The following AFF3 variants were observed in gnomAD, a reference collection of about 807,000 sequenced individuals.
The protein encoded by AFF3 is ALF transcription elongation factor 3, also known as AF4/FMR2 family member 3.
AFF3 carries 32 observed loss-of-function variants against 129.7 expected under a neutral mutation model. The observed-to-expected ratio is 0.25, with a 90% CI of 0.19 to 0.33. The LOEUF is 0.33. AFF3 is among the 10% of genes least tolerant of loss of function. The pLI, the probability that AFF3 is intolerant of heterozygous loss-of-function variation, is 1.00. For missense variants in AFF3, 1,373 were observed against 1,592.0 expected, an observed-to-expected ratio of 0.86 and a Z score of 2.34; for synonymous variants, 644 against 635.4, an observed-to-expected ratio of 1.01 and a Z score of -0.20.
chr2:100,053,964 A>C (rs903394985), intron 4 of AFF3, among the ~76,000 whole-genome samples: 1 of 152,180 alleles, frequency 6.6e-6, no homozygotes, highest in South Asian at 2.1e-4. Flanking sequence ...TTCAAAATCA[A>C]GCACCACACC....
At chr2:99,595,062 G>T (rs1046099307) in intron 14 of AFF3, among the ~76,000 whole-genome samples, 3 of 152,192 alleles carry the variant, frequency 2.0e-5, no homozygotes, top group South Asian at 4.1e-4. Flanking sequence ...GGTTGAGGGT[G>T]GGGGGATGGC....
At chr2:100,113,599 G>A (rs937256169) in intron 2 of AFF3, among the ~76,000 whole-genome samples, 2 of 152,190 alleles carry the variant, frequency 1.3e-5, no homozygotes, top group African/African-American at 4.8e-5. Context: ...AACAAACGCC[G>A]TGTACTATAA....
intron 7 of AFF3, among the ~76,000 whole-genome samples, chr2:99,842,600 A>G (rs1008043717): frequency 1.3e-5 from 2 of 152,310 alleles, no homozygotes; most frequent in African/African-American, 2.4e-5. Flanking sequence ...CTAAACTTCA[A>G]TTAAGAGCTA....
chr2:99,729,654 G>T (rs534049659), intron 10 of AFF3, among the ~76,000 whole-genome samples: 12 of 152,144 alleles, frequency 7.9e-5, no homozygotes, highest in Admixed American at 7.9e-4. Context: ...GAGAATTATG[G>T]TCTCTTTATT....
At chr2:99,787,762 A>G (rs1376536989) in intron 8 of AFF3, among the ~76,000 whole-genome samples, 1 of 152,146 alleles carries the variant, frequency 6.6e-6, no homozygotes, top group Non-Finnish European at 1.5e-5. Context: ...AACAAACAAC[A>G]ATCCGGGAGC....
chr2:99,597,687 G>A (rs1164169144), intron 14 of AFF3, among the ~76,000 whole-genome samples: 1 of 152,276 alleles, frequency 6.6e-6, no homozygotes, highest in African/African-American at 2.4e-5. Flanking sequence ...AGGATACAGA[G>A]TTTAGTGGCA....
chr2:99,633,534 C>A (rs1683326817), intron 13 of AFF3, among the ~76,000 whole-genome samples: 1 of 152,150 alleles, frequency 6.6e-6, no homozygotes, highest in African/African-American at 2.4e-5. Flanking sequence ...GTTTTTCTGT[C>A]CCCCAACAAA....
At chr2:100,050,197 CG>C (rs1004995922) in intron 4 of AFF3, among the ~76,000 whole-genome samples, 2 of 151,472 alleles carry the variant, frequency 1.3e-5, no homozygotes, top group Non-Finnish European at 2.9e-5. Context: ...GACTTCATCT[CG>C]GGGGGGAAAA....
At chr2:99,707,153 A>G in intron 11 of AFF3, 1 of 985,416 alleles carries the variant, frequency 1.0e-6, no homozygotes, top group Non-Finnish European at 1.2e-6. Context: ...AAAACTAGTA[A>G]ACTTGCCTGT....
At chr2:99,820,768 T>TTTTTTTTTGAG (rs1687602555) in intron 8 of AFF3, among the ~76,000 whole-genome samples, 1 of 139,314 alleles carries the variant, frequency 7.2e-6, no homozygotes, top group South Asian at 2.5e-4. Context: ...ATTTTTTTCT[T>TTTTTTTTTGAG]ACTTTTAAAA....
intron 2 of AFF3, among the ~76,000 whole-genome samples, chr2:100,124,896 A>G (rs1692121862): frequency 6.6e-6 from 1 of 152,242 alleles, no homozygotes; most frequent in Non-Finnish European, 1.5e-5. Flanking sequence ...ATTCCACTGA[A>G]TCATGATTCT....
intron 8 of AFF3, among the ~76,000 whole-genome samples, chr2:99,783,886 A>C (rs1264302723): frequency 6.6e-6 from 1 of 152,266 alleles, no homozygotes; most frequent in Non-Finnish European, 1.5e-5. Flanking sequence ...CGGTAAATCA[A>C]CAAACCCTTT....
chr2:99,728,656 A>G (rs1218989929), intron 10 of AFF3, among the ~76,000 whole-genome samples: 1 of 152,206 alleles, frequency 6.6e-6, no homozygotes, highest in African/African-American at 2.4e-5. Flanking sequence ...CAGAACAGCT[A>G]TGAGGGACTT....
intron 11 of AFF3, among the ~76,000 whole-genome samples, chr2:99,700,451 C>T (rs941488609): frequency 1.3e-5 from 2 of 152,174 alleles, no homozygotes; most frequent in African/African-American, 4.8e-5. Flanking sequence ...CTCTTTGGTG[C>T]TCAAAATTCC....
chr2:99,933,450 C>T (rs1482242144), intron 7 of AFF3, among the ~76,000 whole-genome samples: 2 of 152,096 alleles, frequency 1.3e-5, no homozygotes, highest in Non-Finnish European at 2.9e-5. Context: ...TTAAGCCCTG[C>T]ATGCATTAGG....
At chr2:99,605,421 G>A (rs969816352) in intron 13 of AFF3, among the ~76,000 whole-genome samples, 2 of 152,136 alleles carry the variant, frequency 1.3e-5, no homozygotes, top group Admixed American at 6.5e-5. Flanking sequence ...CTGGAAGGGC[G>A]CTGGTAGCTC....
chr2:99,674,677 G>A (rs1336783865), intron 11 of AFF3, among the ~76,000 whole-genome samples: 1 of 152,170 alleles, frequency 6.6e-6, no homozygotes, highest in Non-Finnish European at 1.5e-5. Context: ...CCCCCTTGCT[G>A]TCAGATGGAG....
At chr2:100,072,413 C>A (rs1441771044) in intron 4 of AFF3, among the ~76,000 whole-genome samples, 1 of 152,178 alleles carries the variant, frequency 6.6e-6, no homozygotes, top group Non-Finnish European at 1.5e-5. Flanking sequence ...CTGTCTTCCA[C>A]GAAACCGGTC....
intron 8 of AFF3, among the ~76,000 whole-genome samples, chr2:99,810,641 A>AGTGT (rs58509014): frequency 4.8e-4 from 72 of 151,176 alleles, no homozygotes; most frequent in African/African-American, 1.7e-3. Flanking sequence ...CAAGTGTGTG[A>AGTGT]GTGTGTGTGT....
Sources: gnomAD v4.1 joint callset for allele counts (sites outside exome capture counted in the v4.1 genomes callset) on GRCh38, gnomAD v4.1.1 for gene constraint, MANE v1.5 for transcripts, NCBI Gene and HGNC (gene_info 2026-07-23, HGNC 2026-07-21) for gene names.